SSBP3: variants seen among roughly 807,000 people sequenced by gnomAD.
The protein encoded by SSBP3 is single stranded DNA binding protein 3, also known as single-stranded DNA-binding protein 3.
In SSBP3, 5 loss-of-function variants were observed where a neutral mutation model predicts 69.6. That is an observed-to-expected ratio of 0.07 (90% CI 0.04 to 0.15). SSBP3 has a LOEUF of 0.15. Ranked by LOEUF, SSBP3 falls within the 10% of genes least tolerant of loss-of-function variation. The pLI is 1.00. For missense variants in SSBP3, 312 were observed against 534.0 expected (o/e 0.58, Z 4.10); for synonymous variants, 196 against 193.4 (o/e 1.01, Z -0.11).
exon 9 of SSBP3, chr1:54,251,641 A>G: frequency 6.4e-7 from 1 of 1,552,074 alleles, no homozygotes; most frequent in South Asian, 1.2e-5. Context: ...CATGGGCCCC[A>G]TGCCTCGGGG....
At chr1:54,320,729 C>G (rs1482612037) in intron 4 of SSBP3, among the ~76,000 whole-genome samples, 1 of 152,142 alleles carries the variant, frequency 6.6e-6, no homozygotes, top group African/African-American at 2.4e-5. Flanking sequence ...CACAGAGGCA[C>G]AGGCCTTGAC....
At chr1:54,228,225 C>A in intron 17 of SSBP3, 30 bp downstream of exon 17, 1 of 1,601,042 alleles carries the variant, frequency 6.2e-7, no homozygotes, top group Non-Finnish European at 8.6e-7. Flanking sequence ...GCCGTGGGGA[C>A]GAGAGCAACA....
At chr1:54,348,142 C>G (rs1646719135) in intron 4 of SSBP3, among the ~76,000 whole-genome samples, 3 of 148,718 alleles carry the variant, frequency 2.0e-5, no homozygotes, top group African/African-American at 7.5e-5. Context: ...GACACAAAGT[C>G]ATCTTTATCG....
chr1:54,384,511 C>G (rs1297518790), intron 4 of SSBP3, among the ~76,000 whole-genome samples: 1 of 152,250 alleles, frequency 6.6e-6, no homozygotes. Flanking sequence ...ACCATGGGCT[C>G]TGCCCCCAGA....
rs543944005 is a variant in SSBP3 at position 54,331,071 on chromosome 1, C to CCTT, written c.277-49547_277-49545dup. On this transcript the variant is annotated intron_variant, in intron 4 of 17. Coordinates refer to ENST00000610401, the Ensembl canonical transcript of SSBP3. The stretch of plus-strand genomic sequence containing the variant: ...GTACACAGAAAGCCCTTCAAAATTT[C>CCTT]CTTCTTCTAAGTAGAAATAAAGGTT... 2.4e-4 allele frequency among the ~76,000 whole-genome samples: 36 copies of CCTT among 152,342 alleles called. No homozygotes were observed. In the South Asian group the frequency reaches 6.8e-3, roughly 29 times the overall value.
intron 5 of SSBP3, among the ~76,000 whole-genome samples, chr1:54,276,449 A>C (rs1384938902): frequency 1.3e-5 from 2 of 151,406 alleles, no homozygotes; most frequent in African/African-American, 4.9e-5. Flanking sequence ...CATCTCTACT[A>C]AAAATACAAA....
At chr1:54,304,778 C>A (rs1645867398) in intron 4 of SSBP3, among the ~76,000 whole-genome samples, 1 of 152,166 alleles carries the variant, frequency 6.6e-6, no homozygotes, top group African/African-American at 2.4e-5. Flanking sequence ...CAGACAGGTG[C>A]CTCACCAGTG....
chr1:54,355,631 T>C (rs1254034055), intron 4 of SSBP3, among the ~76,000 whole-genome samples: 1 of 152,126 alleles, frequency 6.6e-6, no homozygotes, highest in Admixed American at 6.5e-5. Context: ...TTACAGGTGT[T>C]GAGCCACCGC....
At chr1:54,231,734 G>A (rs530613677) in intron 14 of SSBP3, among the ~76,000 whole-genome samples, 4 of 151,874 alleles carry the variant, frequency 2.6e-5, no homozygotes, top group South Asian at 2.1e-4. Flanking sequence ...TCACTCTGTC[G>A]GCCAGGCTGG....
upstream of SSBP3, among the ~76,000 whole-genome samples, chr1:54,410,962 C>T (rs986641329): frequency 2.6e-5 from 4 of 152,166 alleles, no homozygotes; most frequent in Non-Finnish European, 5.9e-5. Flanking sequence ...TCATGGCCAG[C>T]AAACAGAGAG....
chr1:54,259,454 C>T (rs950554941), intron 5 of SSBP3, among the ~76,000 whole-genome samples: 1 of 152,222 alleles, frequency 6.6e-6, no homozygotes, highest in Admixed American at 6.5e-5. Context: ...CTCGGAAGCA[C>T]GTTCCAGCCC....
chr1:54,256,645 T>C (rs1216942100), intron 7 of SSBP3, among the ~76,000 whole-genome samples: 2 of 152,222 alleles, frequency 1.3e-5, no homozygotes, highest in Non-Finnish European at 2.9e-5. Context: ...CTCTGCTGCA[T>C]CCAGGCTCCT....
intron 5 of SSBP3, among the ~76,000 whole-genome samples, chr1:54,275,966 C>T (rs910225547): frequency 1.3e-5 from 2 of 152,120 alleles, no homozygotes; most frequent in African/African-American, 2.4e-5. Flanking sequence ...GTCATATCTC[C>T]GGCTTTTGGG....
At chr1:54,339,206 G>A (rs1225456226) in intron 4 of SSBP3, among the ~76,000 whole-genome samples, 1 of 152,174 alleles carries the variant, frequency 6.6e-6, no homozygotes, top group African/African-American at 2.4e-5. Context: ...GGGGAGAAGG[G>A]GGTCTTATCT....
At chr1:54,341,628 T>C (rs1646608087) in intron 4 of SSBP3, among the ~76,000 whole-genome samples, 1 of 151,924 alleles carries the variant, frequency 6.6e-6, no homozygotes, top group Non-Finnish European at 1.5e-5. Context: ...CAGAGCTTAA[T>C]TGCTACCTGC....
chr1:54,235,704 T>A (rs1292913066), intron 14 of SSBP3, among the ~76,000 whole-genome samples: 1 of 151,982 alleles, frequency 6.6e-6, no homozygotes, highest in Non-Finnish European at 1.5e-5. Flanking sequence ...CACCTCGGCC[T>A]CCCAACGTGC....
intron 5 of SSBP3, among the ~76,000 whole-genome samples, chr1:54,280,358 T>C (rs1053854386): frequency 6.6e-6 from 1 of 152,218 alleles, no homozygotes; most frequent in African/African-American, 2.4e-5. Context: ...CCTGCCTTGA[T>C]GTGGTGTGAG....
chr1:54,411,720 G>C (rs546039872), intron 1 of SSBP3, among the ~76,000 whole-genome samples: 1 of 151,550 alleles, frequency 6.6e-6, no homozygotes, highest in Non-Finnish European at 1.5e-5. Context: ...GTGAAACCCC[G>C]TCTCTACTAA....
At chr1:54,275,939 C>A (rs1394455935) in intron 5 of SSBP3, among the ~76,000 whole-genome samples, 2 of 152,130 alleles carry the variant, frequency 1.3e-5, no homozygotes, top group Non-Finnish European at 2.9e-5. Flanking sequence ...AAGTTTCTCT[C>A]CCCTCTTATT....
Sources: gnomAD v4.1 joint callset for allele counts (sites outside exome capture counted in the v4.1 genomes callset) on GRCh38, gnomAD v4.1.1 for gene constraint, MANE v1.5 for transcripts, NCBI Gene and HGNC (gene_info 2026-07-23, HGNC 2026-07-21) for gene names.